OTUD3: variants seen among roughly 807,000 people sequenced by gnomAD.
The protein encoded by OTUD3 is OTU deubiquitinase 3, also known as OTU domain-containing protein 3.
Under a neutral mutation model 46.2 loss-of-function variants are expected in OTUD3, and 24 were observed. The observed-to-expected ratio is 0.52, with a 90% confidence interval of 0.38 to 0.73. The LOEUF is 0.73. Ranked by LOEUF, OTUD3 falls within the 30% of genes least tolerant of loss-of-function variation. OTUD3 has a pLI of 0.00. For synonymous variants in OTUD3, 189 were observed against 195.4 expected, an observed-to-expected ratio of 0.97 and a Z score of 0.27; for missense variants, 455 against 523.3, an observed-to-expected ratio of 0.87 and a Z score of 1.27.
chr1:19,907,530 C>T, intron 7 of OTUD3, 40 bp from the exon 8 acceptor site: 2 of 1,598,598 alleles, frequency 1.3e-6, no homozygotes. Context: ...AGCTTGAGTC[C>T]CCCGTGCTTC....
chr1:19,903,222 G>A (rs1399470622), intron 4 of OTUD3, among the ~76,000 whole-genome samples: 1 of 151,310 alleles, frequency 6.6e-6, no homozygotes, highest in Non-Finnish European at 1.5e-5. Context: ...TAATTCTTTT[G>A]TATTTTTTTT....
chr1:19,882,790 T>C (rs1380959675), intron 1 of OTUD3, 56 bp downstream of exon 1: 3 of 1,243,744 alleles, frequency 2.4e-6, no homozygotes, highest in Middle Eastern at 3.1e-4. Context: ...GGGCTCGGCC[T>C]GGCGACCGTT....
chr1:19,884,238 C>G (rs915987556), intron 1 of OTUD3, among the ~76,000 whole-genome samples: 2 of 152,094 alleles, frequency 1.3e-5, no homozygotes, highest in African/African-American at 4.8e-5. Context: ...GTATGGTATT[C>G]TCAATGTCAG....
intron 3 of OTUD3, among the ~76,000 whole-genome samples, chr1:19,895,990 G>T (rs908454903): frequency 5.3e-5 from 8 of 151,350 alleles, no homozygotes; most frequent in African/African-American, 1.9e-4. Flanking sequence ...ATTTTTTTTT[G>T]AATTTATTTC....
At chr1:19,907,049 C>T (rs1458744044) in intron 7 of OTUD3, 1 of 162,518 alleles carries the variant, frequency 6.2e-6, no homozygotes, top group East Asian at 1.8e-4. Context: ...CTTTTAAAGG[C>T]TTTTGGTAAA....
At chr1:19,888,838 G>A (rs908252982) in intron 1 of OTUD3, among the ~76,000 whole-genome samples, 5 of 152,194 alleles carry the variant, frequency 3.3e-5, no homozygotes, top group Non-Finnish European at 7.3e-5. Context: ...CTGTGTCTGT[G>A]TATGTGTATA....
intron 4 of OTUD3, among the ~76,000 whole-genome samples, chr1:19,903,792 G>C (rs1172954770): frequency 2.0e-5 from 3 of 152,334 alleles, no homozygotes; most frequent in Admixed American, 2.0e-4. Context: ...GCTGGGACGG[G>C]AGCTTCAGTA....
rs1463662899 is a variant in OTUD3 at position 19,890,428 on chromosome 1, T to C, written c.265T>C (p.Ser89Pro). 5 of 1,613,830 alleles carry C rather than the reference T, an allele frequency of 3.1e-6. No individual in the cohort carries two copies. Among genetic ancestry groups the C allele is most frequent in the Non-Finnish European group, 3.4e-6 (4 of 1,179,852 alleles). Residue 89 changes from serine (S) to proline (P), a missense_variant, in exon 2 of 8, where the codon TCA (serine) becomes CCA (proline). Coordinates refer to ENST00000375120, the MANE Select transcript of OTUD3 (RefSeq NM_015207.2). ...RALGDQLEGH[S>P]RNHLKHRQET... is the part of the protein sequence containing the mutation. Reference sequence around the variant, plus strand: ...TCTTGGTGATCAATTGGAGGGACACTCACGAAATCATCTCAAGCACAGACA... The same window carrying C: ...TCTTGGTGATCAATTGGAGGGACACCCACGAAATCATCTCAAGCACAGACA...
chr1:19,907,930 G>A lies in OTUD3; in HGVS notation c.*184G>A. Reference sequence around the variant, plus strand: ...TTGTTCGAAGTTTTATTAGTGATATGTTGGTGTTTTATGAAAATGCAGTGA... The same window carrying A: ...TTGTTCGAAGTTTTATTAGTGATATATTGGTGTTTTATGAAAATGCAGTGA... On this transcript the variant is annotated 3_prime_UTR_variant, in exon 8 of 8. Coordinates refer to ENST00000375120, the MANE Select transcript of OTUD3 (RefSeq NM_015207.2). 2.0e-6 allele frequency: 1 copy of A among 509,224 alleles called. No homozygotes were observed. The highest frequency in any genetic ancestry group is 3.4e-6 in the Non-Finnish European group (1 of 291,044). The allele number at this position is 509,224 out of a possible 1,614,324, so 31.5% of individuals were successfully genotyped here. A position where few individuals can be genotyped will look rare whatever the true frequency, so the allele number is the denominator to read the frequency against.
At chr1:19,895,164 C>T (rs74608669) in intron 3 of OTUD3, among the ~76,000 whole-genome samples, 21,329 of 152,186 alleles carry the variant, frequency 0.14, 1,911 homozygotes, top group East Asian at 0.31. Flanking sequence ...CACATATATA[C>T]GGACACTTCT....
chr1:19,897,527 C>A lies in OTUD3; in HGVS notation c.484-13C>A, dbSNP rs1215508982. 6.2e-7 allele frequency: 1 copy of A among 1,613,666 alleles called. No homozygotes were observed. The stretch of plus-strand genomic sequence containing the variant: ...CAGATCCTCACTGGCATGGCCCCTT[C>A]TTTTGTCTACAGATTCGTGGTACAG... On this transcript the variant is annotated splice_polypyrimidine_tract_variant and intron_variant, in intron 3 of 7. Transcript: ENST00000375120.
chr1:19,907,610 A>G lies in OTUD3; in HGVS notation c.1061A>G (p.Lys354Arg). The G allele has an allele frequency of 5.0e-6, 8 of 1,614,090 alleles. No homozygotes were observed. The highest frequency in any genetic ancestry group is 6.8e-6 in the Non-Finnish European group (8 of 1,179,988). ...KQRREQQWME[K>R]KKRQEERHRH... Reference sequence around the variant, plus strand: ...AGGCGAGAACAGCAGTGGATGGAGAAGAAGAAGCGGCAGGAGGAGAGGCAC... The same window carrying G: ...AGGCGAGAACAGCAGTGGATGGAGAGGAAGAAGCGGCAGGAGGAGAGGCAC... The change falls in exon 8 of 8, where the codon AAG becomes AGG. Residue 354 changes from lysine (K) to arginine (R), a missense_variant. Transcript: ENST00000375120.
At chr1:19,897,284 G>A (rs546826404) in intron 3 of OTUD3, among the ~76,000 whole-genome samples, 124 of 152,236 alleles carry the variant, frequency 8.1e-4, no homozygotes, top group African/African-American at 2.8e-3. Flanking sequence ...TAACTTCATC[G>A]CAAGTCTGCC....
chr1:19,906,022 G>A lies in OTUD3; in HGVS notation c.836-410G>A, dbSNP rs558547071. ...ATGAGCAATGAGACTGGAGAGCTAC[G>A]TTTTAAATGTTGTTTAATTTTAATT... On this transcript the variant is annotated intron_variant, in intron 6 of 7. Transcript: ENST00000375120. 2.6e-5 allele frequency among the ~76,000 whole-genome samples: 4 copies of A among 152,302 alleles called. No individual in the cohort carries two copies. In the East Asian group the frequency reaches 5.8e-4, roughly 22 times the overall value.
At position 19,912,345 on chromosome 1, in the gene OTUD3, T is replaced by G. The variant is rs900667141; in HGVS notation, c.*4599T>G. The G allele has an allele frequency of 6.6e-6, 1 of 152,372 alleles. No homozygotes were observed. The highest frequency in any genetic ancestry group is 6.5e-5 in the Admixed American group (1 of 15,280). The allele number at this position is 152,372 out of a possible 1,614,324, so 9.4% of individuals were successfully genotyped here. ...CCCTCGAGCAGTACTGGTAAGAGGC[T>G]TCACACATTTTCCCACTCTTACAGT... On this transcript the variant is annotated 3_prime_UTR_variant, in exon 8 of 8. Transcript: ENST00000375120.
rs2045721082 is a variant in OTUD3 at position 19,910,506 on chromosome 1, C to T, written c.*2760C>T. The T allele has an allele frequency of 6.6e-6, 1 of 152,200 alleles. No individual in the cohort carries two copies. Among genetic ancestry groups the T allele is most frequent in the Non-Finnish European group, 1.5e-5 (1 of 68,032 alleles). The allele number at this position is 152,200 out of a possible 1,614,324, so 9.4% of individuals were successfully genotyped here. ...TAACTTCTAGATAATGTAGTTGCCA[C>T]TAGGAGATATTAGAAAGTTAGAATG... On this transcript the variant is annotated 3_prime_UTR_variant, in exon 8 of 8. Transcript: ENST00000375120.
intron 1 of OTUD3, among the ~76,000 whole-genome samples, chr1:19,883,306 A>G (rs532372384): frequency 7.2e-5 from 11 of 152,232 alleles, no homozygotes; most frequent in African/African-American, 1.9e-4. Flanking sequence ...TGCTTCCCCA[A>G]GCTTTCTTGG....
At chr1:19,894,306 C>A in intron 2 of OTUD3, 62 bp from the exon 3 acceptor site, 2 of 886,902 alleles carry the variant, frequency 2.3e-6, no homozygotes, top group Non-Finnish European at 3.6e-6. Flanking sequence ...AATACCAAAG[C>A]ATGTTTGCAT....
chr1:19,905,191 A>T (rs2045642562), intron 6 of OTUD3, among the ~76,000 whole-genome samples: 1 of 152,074 alleles, frequency 6.6e-6, no homozygotes. Flanking sequence ...TAGAGGGTGG[A>T]TAGTGGAGAC....
Sources: allele counts gnomAD v4.1 joint callset (sites outside exome capture counted in the v4.1 genomes callset), GRCh38; gene constraint gnomAD v4.1.1; transcripts MANE v1.5; gene names NCBI Gene and HGNC (gene_info 2026-07-23, HGNC 2026-07-21).